Variants in DMRT1 observed in about 807,000 individuals in gnomAD.
DMRT1 encodes doublesex and mab-3 related transcription factor 1.
A neutral mutation model predicts 32.3 loss-of-function variants in DMRT1; 7 were observed. The ratio of observed to expected loss-of-function variants is 0.22; its 90% confidence interval spans 0.12 to 0.41. The LOEUF is 0.41. DMRT1 is among the 10% of genes least tolerant of loss of function. The pLI is 1.00. For missense variants in DMRT1, 625 were observed against 500.5 expected (o/e 1.25, Z -2.37); for synonymous variants, 278 against 206.1 (o/e 1.35, Z -2.99).
intron 2 of DMRT1, among the ~76,000 whole-genome samples, chr9:879,251 T>A (rs779218576): frequency 4.1e-4 from 62 of 152,154 alleles, no homozygotes; most frequent in Admixed American, 7.2e-4. Flanking sequence ...TTTATTTATG[T>A]GGGTTATATC....
rs891458591 is a variant in DMRT1, at chr9:906,354, C to G, written c.823-10409C>G. The stretch of plus-strand genomic sequence containing the variant: ...TCATGTTCTGTGCTCATAAGACACC[C>G]TTCACACTGCTGATTTATGCTAAAA... On this transcript the variant is annotated intron_variant, in intron 3 of 4. Transcript: ENST00000382276. Among the ~76,000 whole-genome samples, 7 of 152,244 alleles carry G rather than the reference C, an allele frequency of 4.6e-5. No individual in the cohort carries two copies. In the East Asian group the frequency reaches 1.2e-3, roughly 25 times the overall value.
At chr9:847,179 G>A in intron 2 of DMRT1, 36 bp downstream of exon 2, 2 of 1,604,666 alleles carry the variant, frequency 1.2e-6, no homozygotes, top group Non-Finnish European at 1.7e-6. Flanking sequence ...ATGGAGGCTG[G>A]GCATGAGGGA....
chr9:888,379 C>A (rs745402683), intron 2 of DMRT1, among the ~76,000 whole-genome samples: 14 of 151,626 alleles, frequency 9.2e-5, no homozygotes, highest in Non-Finnish European at 1.9e-4. Flanking sequence ...GATCTCGGCT[C>A]ACTGCACCCT....
chr9:949,357 C>T (rs534093113), intron 4 of DMRT1, among the ~76,000 whole-genome samples: 1 of 134,608 alleles, frequency 7.4e-6, no homozygotes, highest in East Asian at 2.0e-4. Context: ...AGAGCAAGAC[C>T]CTCTCTCGGG....
At position 847,162 on chromosome 9, in the gene DMRT1, G is replaced by A. The variant is rs567468881; in HGVS notation, c.538+19G>A. ...GCTTCAGGTAATCTGGAGGGGCTGG[G>A]GTTCACATGGAGGCTGGGCATGAGG... On this transcript the variant is annotated intron_variant, in intron 2 of 4. Coordinates refer to ENST00000382276, the MANE Select transcript of DMRT1 (RefSeq NM_021951.3). The A allele has an allele frequency of 3.1e-6, 5 of 1,610,590 alleles. No individual in the cohort carries two copies. The African/African-American group carries it at 6.7e-5, about 21-fold the overall frequency.
intron 3 of DMRT1, among the ~76,000 whole-genome samples, chr9:904,104 A>G (rs1308382976): frequency 6.6e-6 from 1 of 152,228 alleles, no homozygotes; most frequent in Non-Finnish European, 1.5e-5. Flanking sequence ...ATTACCTATT[A>G]TCTGACACAG....
chr9:872,556 C>T (rs1400850476), intron 2 of DMRT1, among the ~76,000 whole-genome samples: 1 of 151,100 alleles, frequency 6.6e-6, no homozygotes, highest in African/African-American at 2.5e-5. Context: ...CCAGACATTT[C>T]ATGTAAATGG....
At chr9:918,158 T>C (rs1295315506) in intron 4 of DMRT1, among the ~76,000 whole-genome samples, 1 of 152,258 alleles carries the variant, frequency 6.6e-6, no homozygotes, top group African/African-American at 2.4e-5. Context: ...TGAATGAATC[T>C]GGTATTATTT....
intron 4 of DMRT1, among the ~76,000 whole-genome samples, chr9:944,738 C>A (rs1296999973): frequency 6.6e-6 from 1 of 152,070 alleles, no homozygotes; most frequent in Admixed American, 6.6e-5. Flanking sequence ...GTGTTTGATT[C>A]CAAATACTAT....
At chr9:853,531 G>C (rs1343510866) in intron 2 of DMRT1, among the ~76,000 whole-genome samples, 1 of 150,056 alleles carries the variant, frequency 6.7e-6, no homozygotes, top group Admixed American at 6.6e-5. Flanking sequence ...GGGGTGTAGT[G>C]GTGTGATCTC....
At chr9:944,758 C>T (rs1219608363) in intron 4 of DMRT1, among the ~76,000 whole-genome samples, 1 of 152,094 alleles carries the variant, frequency 6.6e-6, no homozygotes, top group African/African-American at 2.4e-5. Flanking sequence ...TATTTGTGCA[C>T]CCATTATGAT....
intron 4 of DMRT1, among the ~76,000 whole-genome samples, chr9:919,431 G>A (rs926919809): frequency 3.4e-5 from 5 of 148,202 alleles, no homozygotes; most frequent in African/African-American, 5.0e-5. Flanking sequence ...GGGGAGGGGG[G>A]CATTTTACAG....
chr9:881,085 G>C lies in DMRT1; in HGVS notation c.539-12827G>C, dbSNP rs141952167. On this transcript the variant is annotated intron_variant, in intron 2 of 4. Transcript: ENST00000382276. ...GTCACGCAAAGTGGTCTGGGGTGTG[G>C]CCTGATCATGGGGAATTCTATAGAC... is the stretch of plus-strand genomic sequence containing the variant. Among the ~76,000 whole-genome samples the C allele has an allele frequency of 3.3e-5, 5 of 152,054 alleles. No individual in the cohort carries two copies. In the East Asian group the frequency reaches 9.7e-4, roughly 29 times the overall value.
At chr9:907,422 A>G (rs544459180) in intron 3 of DMRT1, among the ~76,000 whole-genome samples, 1 of 152,290 alleles carries the variant, frequency 6.6e-6, no homozygotes, top group African/African-American at 2.4e-5. Flanking sequence ...CAAGATGAAG[A>G]AGGCGCTGAG....
intron 3 of DMRT1, among the ~76,000 whole-genome samples, chr9:900,316 T>A (rs962376536): frequency 1.3e-5 from 2 of 152,186 alleles, no homozygotes; most frequent in African/African-American, 4.8e-5. Flanking sequence ...GCCAGTACCT[T>A]TTCACTGCTT....
intron 4 of DMRT1, among the ~76,000 whole-genome samples, chr9:944,810 T>C (rs925191282): frequency 6.6e-6 from 1 of 152,196 alleles, no homozygotes; most frequent in Non-Finnish European, 1.5e-5. Context: ...CATAAAATAT[T>C]ACTATTCTAT....
At chr9:885,100 C>T (rs574310905) in intron 2 of DMRT1, among the ~76,000 whole-genome samples, 2 of 152,158 alleles carry the variant, frequency 1.3e-5, no homozygotes, top group Non-Finnish European at 2.9e-5. Context: ...TCTTCAGTGC[C>T]CCACTGCTCA....
intron 2 of DMRT1, among the ~76,000 whole-genome samples, chr9:876,308 G>T (rs10977244): frequency 0.33 from 49,507 of 151,786 alleles, 8,916 homozygotes; most frequent in Non-Finnish European, 0.41. Flanking sequence ...AGGGGCTTTG[G>T]GCCAGTGGGA....
intron 3 of DMRT1, among the ~76,000 whole-genome samples, chr9:905,796 G>A (rs140306670): frequency 2.0e-5 from 3 of 152,010 alleles, no homozygotes; most frequent in Non-Finnish European, 2.9e-5. Context: ...GCCTCCTTTT[G>A]TGGATGAGGA....
Sources: allele counts gnomAD v4.1 joint callset (sites outside exome capture counted in the v4.1 genomes callset), GRCh38; gene constraint gnomAD v4.1.1; transcripts MANE v1.5; gene names NCBI Gene and HGNC (gene_info 2026-07-23, HGNC 2026-07-21).